The following MKLN1 variants were observed in gnomAD, a reference collection of about 807,000 sequenced individuals.
MKLN1 encodes the protein muskelin.
In MKLN1, 18 loss-of-function variants were observed where a neutral mutation model predicts 99.0. The ratio of observed to expected loss-of-function variants is 0.18; its 90% CI spans 0.13 to 0.27. MKLN1 has a LOEUF of 0.27. Ranked by LOEUF, MKLN1 falls within the 10% of genes least tolerant of loss-of-function variation. The pLI is 1.00. For synonymous variants in MKLN1, 288 were observed against 293.2 expected (o/e 0.98, Z 0.18); for missense variants, 621 against 875.9 (o/e 0.71, Z 3.67).
chr7:131,287,518 T>C (rs1326199123), intron 3 of MKLN1, among the ~76,000 whole-genome samples: 1 of 152,158 alleles, frequency 6.6e-6, no homozygotes, highest in African/African-American at 2.4e-5. Context: ...ATACATGTGA[T>C]TGCATTTAGG....
At chr7:131,360,533 CAG>C (rs1799998843) in intron 1 of MKLN1, among the ~76,000 whole-genome samples, 1 of 152,144 alleles carries the variant, frequency 6.6e-6, no homozygotes, top group Non-Finnish European at 1.5e-5. Context: ...CTTTAAATAA[CAG>C]TGTACTATTT....
At chr7:131,366,201 C>T (rs2116819116) in intron 1 of MKLN1, among the ~76,000 whole-genome samples, 1 of 152,182 alleles carries the variant, frequency 6.6e-6, no homozygotes, top group African/African-American at 2.4e-5. Context: ...TGACCAAGCT[C>T]CAAAATCTCA....
intron 2 of MKLN1, among the ~76,000 whole-genome samples, chr7:131,192,581 G>A (rs933714669): frequency 2.7e-5 from 4 of 147,316 alleles, no homozygotes; most frequent in South Asian, 2.1e-4. Context: ...TCACCCTGTC[G>A]CCCAGGCTGG....
intron 3 of MKLN1, among the ~76,000 whole-genome samples, chr7:131,241,461 C>T (rs1474823983): frequency 6.6e-6 from 1 of 150,436 alleles, no homozygotes; most frequent in Non-Finnish European, 1.5e-5. Flanking sequence ...AATTCCAGCA[C>T]TTTGGGAGGC....
intron 3 of MKLN1, among the ~76,000 whole-genome samples, chr7:131,296,133 A>G (rs1798287908): frequency 6.6e-6 from 1 of 152,232 alleles, no homozygotes. Flanking sequence ...ATTTTGATCC[A>G]GCAATTTCAT....
At position 131,429,087 on chromosome 7, in the gene MKLN1, G is replaced by A. The variant is rs1475277354; in HGVS notation, c.902G>A (p.Trp301Ter). The A allele has an allele frequency of 6.2e-7, 1 of 1,613,900 alleles. No homozygotes were observed. Among genetic ancestry groups the A allele is most frequent in the Non-Finnish European group, 8.5e-7 (1 of 1,179,934 alleles). ...WDGTQDLADF[W>*]AYSVKENQWT... ...GGAACACAAGATCTTGCTGACTTCT[G>A]GGCGTACAGTGTGAAGGAGAACCAG... The change falls in exon 9 of 18, where the codon TGG becomes TAG. Residue 301 changes from tryptophan to a stop codon, truncating the protein, a stop_gained. Transcript: ENST00000352689. LOFTEE classifies it high-confidence loss of function.
chr7:131,302,254 C>T (rs6953464), intron 3 of MKLN1, among the ~76,000 whole-genome samples: 4,789 of 152,254 alleles, frequency 0.031, 223 homozygotes, highest in African/African-American at 0.11. Flanking sequence ...GTACGCCCAG[C>T]CCCTGACTCA....
intron 3 of MKLN1, among the ~76,000 whole-genome samples, chr7:131,243,842 C>T (rs76393170): frequency 2.0e-5 from 3 of 152,134 alleles, no homozygotes; most frequent in South Asian, 2.1e-4. Flanking sequence ...GGTGAAACCC[C>T]GTCTCTACTA....
intron 2 of MKLN1, among the ~76,000 whole-genome samples, chr7:131,182,304 T>C (rs1329764032): frequency 1.3e-5 from 2 of 152,204 alleles, no homozygotes; most frequent in Admixed American, 1.3e-4. Flanking sequence ...GGAATAGGGT[T>C]TGAAAATACT....
At chr7:131,448,476 A>G (rs1307857924) in intron 12 of MKLN1, among the ~76,000 whole-genome samples, 1 of 152,210 alleles carries the variant, frequency 6.6e-6, no homozygotes, top group Non-Finnish European at 1.5e-5. Context: ...CTCATTGTAG[A>G]GAATTTGAAA....
intron 8 of MKLN1, among the ~76,000 whole-genome samples, chr7:131,427,641 C>T (rs1795396153): frequency 6.6e-6 from 1 of 152,112 alleles, no homozygotes; most frequent in Non-Finnish European, 1.5e-5. Flanking sequence ...GCAACCTCTG[C>T]CTCCCAGGTT....
intron 1 of MKLN1, among the ~76,000 whole-genome samples, chr7:131,140,161 C>G (rs1042515701): frequency 2.0e-5 from 3 of 152,224 alleles, no homozygotes; most frequent in Non-Finnish European, 4.4e-5. Flanking sequence ...CTCCATGGTA[C>G]TCACCTGTGG....
At chr7:131,167,681 A>AAAAT (rs1554531217) in intron 2 of MKLN1, among the ~76,000 whole-genome samples, 1 of 151,908 alleles carries the variant, frequency 6.6e-6, no homozygotes, top group Non-Finnish European at 1.5e-5. Flanking sequence ...CAAAAAAAAA[A>AAAAT]AAAAATAATG....
intron 3 of MKLN1, among the ~76,000 whole-genome samples, chr7:131,225,822 C>T (rs1324883444): frequency 6.6e-6 from 1 of 152,200 alleles, no homozygotes; most frequent in African/African-American, 2.4e-5. Flanking sequence ...GTGTCTGCTC[C>T]AGGCTGGCCT....
intron 8 of MKLN1, among the ~76,000 whole-genome samples, chr7:131,416,328 A>C (rs1316569364): frequency 2.0e-5 from 3 of 152,190 alleles, no homozygotes; most frequent in African/African-American, 7.2e-5. Flanking sequence ...GGTAAAGTAC[A>C]TGTGTAAGAA....
chr7:131,159,688 T>G (rs1254695959), intron 2 of MKLN1, among the ~76,000 whole-genome samples: 2 of 152,152 alleles, frequency 1.3e-5, no homozygotes, highest in Non-Finnish European at 2.9e-5. Context: ...CTATAATTTA[T>G]TATATATTTC....
chr7:131,377,635 T>G (rs1793704566), intron 2 of MKLN1, among the ~76,000 whole-genome samples: 2 of 152,208 alleles, frequency 1.3e-5, no homozygotes, highest in Non-Finnish European at 1.5e-5. Flanking sequence ...CTTATTATTT[T>G]GAAATTGTCT....
chr7:131,453,773 CAAAT>C (rs2116563241), intron 12 of MKLN1, among the ~76,000 whole-genome samples: 1 of 152,044 alleles, frequency 6.6e-6, no homozygotes, highest in East Asian at 1.9e-4. Context: ...GTTAAAATAT[CAAAT>C]AATGACAAAC....
rs560344329 is a variant in MKLN1, at chr7:131,334,600, C to T, written c.98+6603C>T. On this transcript the variant is annotated intron_variant, in intron 1 of 17. Coordinates refer to ENST00000352689, the MANE Select transcript of MKLN1 (RefSeq NM_013255.5). ...AGGTTTATGTACAATTTTTTGGGCA[C>T]ATGGGTAAATGGTTCTATTATTTGC... Among the ~76,000 whole-genome samples the T allele has an allele frequency of 2.4e-4, 37 of 152,210 alleles. No individual in the cohort carries two copies. The South Asian group carries it at 7.3e-3, about 30-fold the overall frequency.
Sources: allele counts gnomAD v4.1 joint callset (sites outside exome capture counted in the v4.1 genomes callset), GRCh38; gene constraint gnomAD v4.1.1; transcripts MANE v1.5; gene names NCBI Gene and HGNC (gene_info 2026-07-23, HGNC 2026-07-21).